TBC1D22A: variants seen among roughly 807,000 people sequenced by gnomAD.
TBC1D22A encodes putative GTPase activator.
TBC1D22A carries 38 observed loss-of-function variants against 60.2 expected under a neutral mutation model. The observed-to-expected ratio is 0.63, with a 90% confidence interval of 0.49 to 0.83. The LOEUF is 0.83. TBC1D22A is among the 40% of genes least tolerant of loss of function. TBC1D22A has a pLI of 0.00. For synonymous variants in TBC1D22A, 302 were observed against 281.7 expected (o/e 1.07, Z -0.72); for missense variants, 628 against 701.0 (o/e 0.90, Z 1.18).
chr22:47,091,305 TG>T (rs200083142), intron 11 of TBC1D22A, among the ~76,000 whole-genome samples: 1,837 of 53,976 alleles, frequency 0.034, 108 homozygotes, highest in East Asian at 0.05. Flanking sequence ...AAGTCGTCTT[TG>T]GGTGGCTGCG....
chr22:47,073,429 T>C lies in TBC1D22A; in HGVS notation c.1329+36231T>C, dbSNP rs145016322. Reference sequence around the variant, plus strand: ...GGGAGACTGAACCCCACAATTGATATCAGAAGGCCCCGTGTGGATGCCTCT... The same window carrying C: ...GGGAGACTGAACCCCACAATTGATACCAGAAGGCCCCGTGTGGATGCCTCT... On this transcript the variant is annotated intron_variant, in intron 11 of 12. Transcript: ENST00000337137. Among the ~76,000 whole-genome samples, 634 of 152,310 alleles carry C rather than the reference T, an allele frequency of 4.2e-3. 3 individuals are homozygous for C. Among genetic ancestry groups the C allele is most frequent in the African/African-American group, 0.015 (604 of 41,570 alleles).
At chr22:46,904,052 G>GTA (rs915715415) in intron 7 of TBC1D22A, among the ~76,000 whole-genome samples, 17 of 151,226 alleles carry the variant, frequency 1.1e-4, no homozygotes, top group African/African-American at 2.2e-4. Flanking sequence ...TCATATATAT[G>GTA]TATATATATA....
At chr22:46,842,987 C>T (rs1339181584) in intron 4 of TBC1D22A, among the ~76,000 whole-genome samples, 2 of 152,150 alleles carry the variant, frequency 1.3e-5, no homozygotes, top group African/African-American at 2.4e-5. Context: ...TCCTGATGTA[C>T]CCTGGGACTT....
intron 4 of TBC1D22A, among the ~76,000 whole-genome samples, chr22:46,800,319 A>G (rs16995720): frequency 0.041 from 6,244 of 152,246 alleles, 397 homozygotes; most frequent in African/African-American, 0.14. Context: ...GAGTTCGCCT[A>G]GAGCACCAGG....
intron 12 of TBC1D22A, among the ~76,000 whole-genome samples, chr22:47,123,278 C>T (rs1020398083): frequency 5.9e-5 from 9 of 152,120 alleles, no homozygotes; most frequent in Admixed American, 1.3e-4. Flanking sequence ...CTGCTGGAGG[C>T]CCCTCACCTG....
At chr22:46,792,072 T>C (rs1232953450) in intron 1 of TBC1D22A, among the ~76,000 whole-genome samples, 1 of 152,264 alleles carries the variant, frequency 6.6e-6, no homozygotes, top group African/African-American at 2.4e-5. Flanking sequence ...GTTCAATCTT[T>C]TAAAAAATTA....
intron 11 of TBC1D22A, among the ~76,000 whole-genome samples, chr22:47,058,530 C>G (rs2063470337): frequency 6.6e-6 from 1 of 152,034 alleles, no homozygotes. Flanking sequence ...GCTCTTGCCT[C>G]CCCTCCCTTG....
At chr22:46,978,115 C>T (rs2074376120) in intron 9 of TBC1D22A, among the ~76,000 whole-genome samples, 1 of 152,232 alleles carries the variant, frequency 6.6e-6, no homozygotes, top group Non-Finnish European at 1.5e-5. Context: ...GGCTCTCCTG[C>T]CCTGGCGAGG....
At chr22:46,775,671 C>G (rs1408630067) in intron 1 of TBC1D22A, among the ~76,000 whole-genome samples, 1 of 152,138 alleles carries the variant, frequency 6.6e-6, no homozygotes, top group African/African-American at 2.4e-5. Flanking sequence ...GTTCCAAAAC[C>G]AGTCACTAGA....
intron 10 of TBC1D22A, among the ~76,000 whole-genome samples, chr22:47,008,289 A>G (rs2061651102): frequency 6.6e-6 from 1 of 152,170 alleles, no homozygotes; most frequent in African/African-American, 2.4e-5. Context: ...TGGGTTGAGG[A>G]TGTGAGCATC....
intron 11 of TBC1D22A, among the ~76,000 whole-genome samples, chr22:47,065,291 G>A (rs1330145257): frequency 2.0e-5 from 3 of 152,180 alleles, no homozygotes; most frequent in South Asian, 2.1e-4. Flanking sequence ...CACCATGCCC[G>A]GCCTAAGGCT....
chr22:47,155,923 A>G (rs962558470), intron 12 of TBC1D22A, among the ~76,000 whole-genome samples: 1 of 152,324 alleles, frequency 6.6e-6, no homozygotes, highest in Non-Finnish European at 1.5e-5. Flanking sequence ...GTAAATAAGG[A>G]TGAACTTTTC....
At chr22:47,116,023 A>G (rs1601561216) in intron 12 of TBC1D22A, 1 of 152,376 alleles carries the variant, frequency 6.6e-6, no homozygotes, top group African/African-American at 2.4e-5. Flanking sequence ...TTGGCTTCCC[A>G]GGGGACTGGG....
chr22:47,130,167 C>T (rs1172036131), intron 12 of TBC1D22A, among the ~76,000 whole-genome samples: 1 of 152,176 alleles, frequency 6.6e-6, no homozygotes, highest in Non-Finnish European at 1.5e-5. Context: ...CAATCATCTC[C>T]CTTAGGAGTC....
intron 8 of TBC1D22A, among the ~76,000 whole-genome samples, chr22:46,927,745 G>T (rs937205005): frequency 6.6e-6 from 1 of 152,146 alleles, no homozygotes; most frequent in African/African-American, 2.4e-5. Context: ...TTTGTAGGAT[G>T]CAAGATCAAG....
At chr22:46,838,681 A>G (rs1247107907) in intron 4 of TBC1D22A, among the ~76,000 whole-genome samples, 1 of 152,010 alleles carries the variant, frequency 6.6e-6, no homozygotes, top group Non-Finnish European at 1.5e-5. Flanking sequence ...AGCAAACTGA[A>G]TTCAACAGCA....
intron 4 of TBC1D22A, among the ~76,000 whole-genome samples, chr22:46,807,133 A>C (rs544763050): frequency 6.6e-6 from 1 of 152,378 alleles, no homozygotes; most frequent in African/African-American, 2.4e-5. Flanking sequence ...TTCTTTAAGA[A>C]GGAAAGTTGG....
intron 5 of TBC1D22A, among the ~76,000 whole-genome samples, chr22:46,881,170 A>G (rs1444632434): frequency 6.6e-6 from 1 of 152,112 alleles, no homozygotes; most frequent in Non-Finnish European, 1.5e-5. Flanking sequence ...TTTTATTCTG[A>G]AGGAGAAACT....
chr22:46,844,120 G>A (rs2086890628), intron 4 of TBC1D22A, among the ~76,000 whole-genome samples: 2 of 150,506 alleles, frequency 1.3e-5, no homozygotes, highest in African/African-American at 4.9e-5. Flanking sequence ...TGTGGGTAAG[G>A]CATGCTAGAT....
Sources: gnomAD v4.1 joint callset for allele counts (sites outside exome capture counted in the v4.1 genomes callset) on GRCh38, gnomAD v4.1.1 for gene constraint, MANE v1.5 for transcripts, NCBI Gene and HGNC (gene_info 2026-07-23, HGNC 2026-07-21) for gene names.